The following ZBTB44 variants were observed in gnomAD, a reference collection of about 807,000 sequenced individuals.
ZBTB44 encodes zinc finger and BTB domain containing 44.
A neutral mutation model predicts 54.0 loss-of-function variants in ZBTB44; 15 were observed. That is an observed-to-expected ratio of 0.28 (90% confidence interval 0.19 to 0.43). The LOEUF is 0.43. ZBTB44 is among the 20% of genes least tolerant of loss of function. ZBTB44 has a pLI of 1.00. For missense variants in ZBTB44, 487 were observed against 707.1 expected, an observed-to-expected ratio of 0.69 and a Z score of 3.53; for synonymous variants, 230 against 250.1, an observed-to-expected ratio of 0.92 and a Z score of 0.76.
intron 2 of ZBTB44, among the ~76,000 whole-genome samples, chr11:130,241,081 C>A (rs938583330): frequency 6.6e-6 from 1 of 152,168 alleles, no homozygotes; most frequent in South Asian, 2.1e-4. Flanking sequence ...AGTTTATTTT[C>A]ATTGTTTATA....
intron 2 of ZBTB44, among the ~76,000 whole-genome samples, chr11:130,243,233 C>A (rs951146091): frequency 6.6e-6 from 1 of 152,126 alleles, no homozygotes; most frequent in Non-Finnish European, 1.5e-5. Flanking sequence ...TTAAAAAACA[C>A]ATTTTTTTTT....
chr11:130,312,422 C>T (rs1466634766), intron 1 of ZBTB44, among the ~76,000 whole-genome samples: 1 of 152,154 alleles, frequency 6.6e-6, no homozygotes, highest in South Asian at 2.1e-4. Context: ...AGGAGGTACA[C>T]AGCATCACCT....
intron 2 of ZBTB44, among the ~76,000 whole-genome samples, chr11:130,253,974 T>C (rs1938231072): frequency 1.3e-5 from 2 of 152,222 alleles, no homozygotes; most frequent in Non-Finnish European, 2.9e-5. Context: ...GGGAAAGGAT[T>C]CCCTATTTAA....
At chr11:130,298,891 T>C (rs755476833) in intron 1 of ZBTB44, among the ~76,000 whole-genome samples, 1 of 151,362 alleles carries the variant, frequency 6.6e-6, no homozygotes, top group Non-Finnish European at 1.5e-5. Flanking sequence ...GATCTGCAGC[T>C]TGGGAAACAT....
intron 1 of ZBTB44, among the ~76,000 whole-genome samples, chr11:130,277,253 A>C (rs1426497202): frequency 6.6e-6 from 1 of 152,194 alleles, no homozygotes; most frequent in Non-Finnish European, 1.5e-5. Flanking sequence ...GCAGGTTTAA[A>C]ATGATTTTTA....
At chr11:130,313,280 T>C (rs1942732783) in intron 1 of ZBTB44, among the ~76,000 whole-genome samples, 1 of 152,228 alleles carries the variant, frequency 6.6e-6, no homozygotes, top group African/African-American at 2.4e-5. Flanking sequence ...ATCATTAGGT[T>C]GTTCTGAGAA....
At chr11:130,291,154 C>T (rs939820947) in intron 1 of ZBTB44, among the ~76,000 whole-genome samples, 2 of 150,942 alleles carry the variant, frequency 1.3e-5, no homozygotes, top group African/African-American at 2.4e-5. Context: ...TTTTTTGAGA[C>T]GGAGTCTCAT....
chr11:130,251,721 G>A (rs1938021083), intron 2 of ZBTB44, among the ~76,000 whole-genome samples: 1 of 152,190 alleles, frequency 6.6e-6, no homozygotes, highest in African/African-American at 2.4e-5. Context: ...AGCAAATGCT[G>A]AGGGATTTTG....
At chr11:130,288,317 T>C (rs988491681) in intron 1 of ZBTB44, among the ~76,000 whole-genome samples, 1 of 151,712 alleles carries the variant, frequency 6.6e-6, no homozygotes, top group Non-Finnish European at 1.5e-5. Context: ...GAGGTTGCAG[T>C]GAGCCGAGAT....
At chr11:130,293,979 CT>C (rs1565682471) in intron 1 of ZBTB44, among the ~76,000 whole-genome samples, 1 of 152,150 alleles carries the variant, frequency 6.6e-6, no homozygotes. Context: ...ATTTCCTCTC[CT>C]TGTTAGTAGT....
chr11:130,303,350 C>T (rs1162517652), intron 1 of ZBTB44, among the ~76,000 whole-genome samples: 1 of 152,134 alleles, frequency 6.6e-6, no homozygotes, highest in Non-Finnish European at 1.5e-5. Flanking sequence ...AAAATACATA[C>T]CAAGGCCGGG....
At chr11:130,244,886 C>T (rs888212762) in intron 2 of ZBTB44, among the ~76,000 whole-genome samples, 2 of 151,990 alleles carry the variant, frequency 1.3e-5, no homozygotes, top group Non-Finnish European at 2.9e-5. Flanking sequence ...AAGTAAAAAG[C>T]GTTTTAAAAA....
rs367953516 is a variant in ZBTB44, at chr11:130,261,205, G to A, written c.669C>T (p.Asp223=). ...SYSENRNQPV[D]SSLAFPWTFP... ...AAGTCCAAGGAAAAGCTAAGGAAGA[G>A]TCAACTGGTTGGTTTCTATTTTCTG... Residue 223 remains aspartate (D), a synonymous_variant, in exon 2 of 8, where the codon GAC becomes GAT. Coordinates refer to ENST00000357899, the MANE Select transcript of ZBTB44 (RefSeq NM_001301098.2). This position sits in a 1 kb window ranked among gnomAD's most constrained non-coding sequence, Gnocchi z 4.8. 3.6e-5 allele frequency: 58 copies of A among 1,613,886 alleles called. No individual in the cohort carries two copies. Among genetic ancestry groups the A allele is most frequent in the Non-Finnish European group, 4.5e-5 (53 of 1,179,898 alleles).
intron 1 of ZBTB44, among the ~76,000 whole-genome samples, chr11:130,271,024 G>A (rs1264758736): frequency 6.6e-6 from 1 of 152,160 alleles, no homozygotes; most frequent in Non-Finnish European, 1.5e-5. Context: ...GCTTGGAGCA[G>A]ATAGAGCAAA....
At chr11:130,276,741 T>C (rs1377072650) in intron 1 of ZBTB44, among the ~76,000 whole-genome samples, 8 of 152,170 alleles carry the variant, frequency 5.3e-5, no homozygotes, top group African/African-American at 1.9e-4. Flanking sequence ...TTCTATACAT[T>C]ATTAAAAGCG....
intron 1 of ZBTB44, among the ~76,000 whole-genome samples, chr11:130,277,436 A>G (rs1312437443): frequency 6.6e-6 from 1 of 151,970 alleles, no homozygotes; most frequent in East Asian, 1.9e-4. Context: ...ATATCTGCTC[A>G]TGATTACAAA....
At chr11:130,255,009 A>G (rs1450777611) in intron 2 of ZBTB44, among the ~76,000 whole-genome samples, 1 of 146,022 alleles carries the variant, frequency 6.8e-6, no homozygotes, top group Non-Finnish European at 1.5e-5. Flanking sequence ...TCACTCATAG[A>G]TGGGAATTGA....
chr11:130,256,137 C>CA (rs1486069711), intron 2 of ZBTB44, among the ~76,000 whole-genome samples: 3 of 152,008 alleles, frequency 2.0e-5, no homozygotes, highest in South Asian at 2.1e-4. Flanking sequence ...AGGCACAACA[C>CA]AAAAAAAGAA....
intron 3 of ZBTB44, 65 bp downstream of exon 3, chr11:130,239,747 A>G (rs1954271066): frequency 4.6e-6 from 6 of 1,308,900 alleles, no homozygotes; most frequent in African/African-American, 2.9e-5. Context: ...TTGAGATGAA[A>G]TGCTTGAATT....
Sources: allele counts gnomAD v4.1 joint callset (sites outside exome capture counted in the v4.1 genomes callset), GRCh38; gene constraint gnomAD v4.1.1; non-coding constraint Gnocchi (gnomAD v3.1); transcripts MANE v1.5; gene names NCBI Gene and HGNC (gene_info 2026-07-23, HGNC 2026-07-21).